The following C10orf90 variants were observed in gnomAD, a reference collection of about 807,000 sequenced individuals.
C10orf90 encodes the protein chromosome 10 open reading frame 90.
In C10orf90, 56 loss-of-function variants were observed where a neutral mutation model predicts 62.5. The ratio of observed to expected loss-of-function variants is 0.90; its 90% CI spans 0.72 to 1.12. C10orf90 has a LOEUF of 1.12. Ranked by LOEUF, C10orf90 falls within the 50% of genes most tolerant of loss-of-function variation. C10orf90 has a pLI of 0.00. For missense variants in C10orf90, 970 were observed against 880.4 expected (o/e 1.10, Z -1.29); for synonymous variants, 386 against 340.4 (o/e 1.13, Z -1.47).
At chr10:126,661,586 C>T (rs72839096) in intron 1 of C10orf90, among the ~76,000 whole-genome samples, 3,755 of 151,972 alleles carry the variant, frequency 0.025, 74 homozygotes, top group Non-Finnish European at 0.035. Context: ...TGGAAATTGA[C>T]CAAAATGATG....
intron 2 of C10orf90, among the ~76,000 whole-genome samples, chr10:126,617,473 G>A (rs1410026606): frequency 6.6e-6 from 1 of 152,220 alleles, no homozygotes; most frequent in Admixed American, 6.5e-5. Flanking sequence ...CAAACCACTA[G>A]GTTGAGCCAT....
intron 1 of C10orf90, among the ~76,000 whole-genome samples, chr10:126,653,472 A>T (rs1591177256): frequency 6.6e-6 from 1 of 152,226 alleles, no homozygotes; most frequent in Non-Finnish European, 1.5e-5. Flanking sequence ...ATAAGAAGTG[A>T]CTTCTCATCC....
intron 7 of C10orf90, among the ~76,000 whole-genome samples, chr10:126,437,633 T>C (rs1487812760): frequency 6.6e-6 from 1 of 152,208 alleles, no homozygotes; most frequent in Non-Finnish European, 1.5e-5. Flanking sequence ...GTAGCATAAA[T>C]ATGGGACATA....
intron 7 of C10orf90, among the ~76,000 whole-genome samples, chr10:126,433,472 G>T (rs1857712512): frequency 6.6e-6 from 1 of 152,042 alleles, no homozygotes; most frequent in Non-Finnish European, 1.5e-5. Flanking sequence ...TGGTAGGGGT[G>T]GGTGAAACGG....
At chr10:126,486,906 G>T (rs1240603597) in intron 4 of C10orf90, among the ~76,000 whole-genome samples, 1 of 152,032 alleles carries the variant, frequency 6.6e-6, no homozygotes, top group Non-Finnish European at 1.5e-5. Flanking sequence ...ACTTTGGGAG[G>T]CCAAGGGGGG....
intron 2 of C10orf90, among the ~76,000 whole-genome samples, chr10:126,579,561 A>G (rs1207703305): frequency 6.6e-6 from 1 of 152,170 alleles, no homozygotes; most frequent in Non-Finnish European, 1.5e-5. Context: ...TTCCTGATGC[A>G]GTTTACACTG....
At chr10:126,631,704 G>A (rs1194391990) in intron 2 of C10orf90, among the ~76,000 whole-genome samples, 2 of 151,882 alleles carry the variant, frequency 1.3e-5, no homozygotes, top group Non-Finnish European at 2.9e-5. Flanking sequence ...TGAGATTGCA[G>A]AACACCACCA....
chr10:126,665,998 G>A (rs1285160855), intron 1 of C10orf90, among the ~76,000 whole-genome samples: 1 of 152,184 alleles, frequency 6.6e-6, no homozygotes, highest in East Asian at 1.9e-4. Flanking sequence ...CGCCAGCCCA[G>A]GTACAAACAC....
In C10orf90 at chr10:126,670,385, T is replaced by C. The variant is rs921755938; in HGVS notation, c.96A>G (p.Thr32=). Residue 32 remains threonine (T), a synonymous_variant, in exon 1 of 10, where the codon ACA becomes ACG. Coordinates refer to ENST00000488181, the MANE Select transcript of C10orf90 (RefSeq NM_001350921.2). The part of the protein sequence containing the change: ...TAVHRTFQIK[T]FSTELKNHVM... Reference sequence around the variant, plus strand: ...CATGGTTTTTCAACTCTGTACTAAATGTTTTTATCTGGAAAGTCCGATGCA... The same window carrying C: ...CATGGTTTTTCAACTCTGTACTAAACGTTTTTATCTGGAAAGTCCGATGCA... 19 of 456,600 alleles carry C rather than the reference T, an allele frequency of 4.2e-5. No homozygotes were observed. The highest frequency in any genetic ancestry group is 7.0e-5 in the Non-Finnish European group (16 of 226,980). The allele number at this position is 456,600 out of a possible 1,614,324, so 28.3% of individuals were successfully genotyped here.
intron 3 of C10orf90, among the ~76,000 whole-genome samples, chr10:126,512,299 G>A (rs1863156121): frequency 6.6e-6 from 1 of 151,090 alleles, no homozygotes; most frequent in Non-Finnish European, 1.5e-5. Flanking sequence ...GTGTGTGTGT[G>A]TGTGTGTGTC....
intron 2 of C10orf90, among the ~76,000 whole-genome samples, chr10:126,532,319 G>A (rs1391864710): frequency 6.6e-6 from 1 of 152,128 alleles, no homozygotes; most frequent in Non-Finnish European, 1.5e-5. Context: ...AAATGTGATC[G>A]TCTAAGAGGC....
intron 2 of C10orf90, among the ~76,000 whole-genome samples, chr10:126,562,042 C>T (rs2133988869): frequency 6.6e-6 from 1 of 152,314 alleles, no homozygotes; most frequent in East Asian, 1.9e-4. Flanking sequence ...GTGCCGCCCT[C>T]CCGCTGAAGT....
At chr10:126,626,482 A>G (rs2133823055) in intron 2 of C10orf90, among the ~76,000 whole-genome samples, 1 of 152,298 alleles carries the variant, frequency 6.6e-6, no homozygotes, top group South Asian at 2.1e-4. Flanking sequence ...CAGTGCAAGA[A>G]CCAAAGAGCC....
chr10:126,616,015 T>C lies in C10orf90; in HGVS notation c.313+30550A>G, dbSNP rs373821316. Among the ~76,000 whole-genome samples the C allele has an allele frequency of 6.6e-5, 10 of 152,376 alleles. No homozygotes were observed. In the South Asian group the frequency reaches 1.2e-3, roughly 19 times the overall value. ...TTAACCATGTGCGTGTCCCCTGCAA[T>C]GGCTAGAAGTGGAGCTGAGAACTGC... On this transcript the variant is annotated intron_variant, in intron 2 of 9. Coordinates refer to ENST00000488181, the MANE Select transcript of C10orf90 (RefSeq NM_001350921.2).
intron 2 of C10orf90, among the ~76,000 whole-genome samples, chr10:126,533,595 T>C (rs1864160427): frequency 6.6e-6 from 1 of 152,216 alleles, no homozygotes; most frequent in Non-Finnish European, 1.5e-5. Flanking sequence ...TCTAACCCTC[T>C]TGGGGACGGG....
intron 2 of C10orf90, among the ~76,000 whole-genome samples, chr10:126,555,655 G>T (rs1451895822): frequency 6.7e-6 from 1 of 148,554 alleles, no homozygotes; most frequent in Non-Finnish European, 1.5e-5. Flanking sequence ...CTCTAGCCTG[G>T]GCAACAGAGG....
chr10:126,670,239 AC>A lies in C10orf90; in HGVS notation c.240+1del. ...CACTCACCCACCCAGGCTCAGCCAT[AC>A]CTCATATCTGCTGGCTGTCTGCTCA... On this transcript the variant is annotated splice_donor_variant, in intron 1 of 9. Transcript: ENST00000488181. LOFTEE classifies it high-confidence loss of function. 1 of 456,524 alleles carries A rather than the reference AC, an allele frequency of 2.2e-6. No individual in the cohort carries two copies. The highest frequency in any genetic ancestry group is 4.4e-6 in the Non-Finnish European group (1 of 226,912). 28.3% of individuals were successfully genotyped at this position (456,524 alleles called of 1,614,324 possible).
intron 5 of C10orf90, among the ~76,000 whole-genome samples, chr10:126,462,972 C>A (rs1021319947): frequency 4.6e-5 from 7 of 152,152 alleles, no homozygotes; most frequent in African/African-American, 1.7e-4. Flanking sequence ...TTTTTCTGAG[C>A]ATTTGCTCTG....
intron 7 of C10orf90, among the ~76,000 whole-genome samples, chr10:126,441,481 C>G (rs952784407): frequency 6.6e-6 from 1 of 152,088 alleles, no homozygotes; most frequent in African/African-American, 2.4e-5. Flanking sequence ...TCGAGGAAAA[C>G]TTCCCTGGCC....
Sources: allele counts gnomAD v4.1 joint callset (sites outside exome capture counted in the v4.1 genomes callset), GRCh38; gene constraint gnomAD v4.1.1; transcripts MANE v1.5; gene names NCBI Gene and HGNC (gene_info 2026-07-23, HGNC 2026-07-21).